MALRD1: variants seen among roughly 807,000 people sequenced by gnomAD.
MALRD1 encodes the protein MAM and LDL-receptor class A domain-containing protein 1.
Under a neutral mutation model 242.1 loss-of-function variants are expected in MALRD1, and 247 were observed. The observed-to-expected ratio is 1.02, with a 90% CI of 0.92 to 1.13. MALRD1 has a LOEUF of 1.13. Among genes scored for constraint, MALRD1 ranks in the 50% most tolerant of loss-of-function variants. The probability of loss-of-function intolerance (pLI) is 0.00; values close to 1 mark genes in which losing one functional copy is unlikely to be tolerated. For synonymous variants in MALRD1, 995 were observed against 866.6 expected (o/e 1.15, Z -2.60); for missense variants, 2,989 against 2,533.1 (o/e 1.18, Z -3.86).
At chr10:19,561,644 G>GTTATGA (rs1835966533) in intron 32 of MALRD1, among the ~76,000 whole-genome samples, 1 of 152,016 alleles carries the variant, frequency 6.6e-6, no homozygotes, top group Admixed American at 6.6e-5. Context: ...TTTAAATGGG[G>GTTATGA]TTATGATTAG....
At chr10:19,617,339 G>C (rs1174790994) in intron 36 of MALRD1, among the ~76,000 whole-genome samples, 1 of 151,856 alleles carries the variant, frequency 6.6e-6, no homozygotes, top group Non-Finnish European at 1.5e-5. Flanking sequence ...AATGTAGAAA[G>C]GAATTCACTG....
At chr10:19,455,193 T>C (rs982467241) in intron 29 of MALRD1, among the ~76,000 whole-genome samples, 1 of 152,172 alleles carries the variant, frequency 6.6e-6, no homozygotes, top group Non-Finnish European at 1.5e-5. Flanking sequence ...AGAAATCTTA[T>C]AAAATGTAGC....
intron 29 of MALRD1, among the ~76,000 whole-genome samples, chr10:19,470,390 C>T (rs1836435744): frequency 6.6e-6 from 1 of 151,958 alleles, no homozygotes; most frequent in Admixed American, 6.6e-5. Flanking sequence ...TATAATGCTG[C>T]AATTACGATA....
intron 29 of MALRD1, among the ~76,000 whole-genome samples, chr10:19,458,973 A>T (rs1835803228): frequency 6.6e-6 from 1 of 152,044 alleles, no homozygotes; most frequent in Non-Finnish European, 1.5e-5. Flanking sequence ...CATCAAGCCC[A>T]TCCTAACACA....
intron 32 of MALRD1, among the ~76,000 whole-genome samples, chr10:19,560,237 G>T (rs1835902947): frequency 6.6e-6 from 1 of 152,182 alleles, no homozygotes; most frequent in African/African-American, 2.4e-5. Flanking sequence ...GGGAGGCTGA[G>T]GTGGGTGGAT....
chr10:19,149,664 A>G (rs1003892806), intron 11 of MALRD1, among the ~76,000 whole-genome samples: 6 of 152,122 alleles, frequency 3.9e-5, no homozygotes, highest in African/African-American at 9.7e-5. Context: ...ATCAAATACT[A>G]TCTATTTTTT....
At chr10:19,477,841 T>C (rs143437093) in intron 29 of MALRD1, among the ~76,000 whole-genome samples, 2 of 152,318 alleles carry the variant, frequency 1.3e-5, no homozygotes, top group Non-Finnish European at 2.9e-5. Flanking sequence ...TCTTTTATTA[T>C]GCAGATGGAG....
intron 24 of MALRD1, among the ~76,000 whole-genome samples, chr10:19,332,558 A>G (rs1157913289): frequency 6.6e-6 from 1 of 152,184 alleles, no homozygotes; most frequent in Non-Finnish European, 1.5e-5. Flanking sequence ...TGTCAAAATG[A>G]AGGTTGACAA....
intron 2 of MALRD1, among the ~76,000 whole-genome samples, chr10:19,085,283 T>C (rs1488967651): frequency 6.6e-6 from 1 of 151,948 alleles, no homozygotes; most frequent in South Asian, 2.1e-4. Flanking sequence ...AAATGTTCTC[T>C]GGAAAGCCAG....
At chr10:19,498,376 A>T (rs1355026964) in intron 30 of MALRD1, 109 bp from the exon 31 acceptor site, 3 of 945,068 alleles carry the variant, frequency 3.2e-6, no homozygotes, top group Non-Finnish European at 4.6e-6. Flanking sequence ...AAGTGTATTT[A>T]TAAAGAATTA....
At chr10:19,229,513 C>T (rs1017213133) in intron 18 of MALRD1, among the ~76,000 whole-genome samples, 19 of 152,120 alleles carry the variant, frequency 1.2e-4, no homozygotes, top group Admixed American at 4.6e-4. Context: ...CTATTAGAAC[C>T]ATGGCCTTAA....
intron 26 of MALRD1, among the ~76,000 whole-genome samples, chr10:19,383,951 T>C (rs1366273697): frequency 2.0e-5 from 3 of 151,916 alleles, no homozygotes; most frequent in Non-Finnish European, 4.4e-5. Context: ...TGTATAGCAT[T>C]TAAGTTTGTA....
At chr10:19,385,045 G>A (rs1229856591) in intron 26 of MALRD1, among the ~76,000 whole-genome samples, 12 of 151,792 alleles carry the variant, frequency 7.9e-5, no homozygotes, top group Admixed American at 5.9e-4. Context: ...TCTTCATTCT[G>A]TTAATGTGGG....
At chr10:19,174,347 C>G (rs1835132559) in intron 13 of MALRD1, among the ~76,000 whole-genome samples, 1 of 152,070 alleles carries the variant, frequency 6.6e-6, no homozygotes, top group African/African-American at 2.4e-5. Context: ...TTTGGGATAG[C>G]ATGTTCTGAC....
intron 34 of MALRD1, among the ~76,000 whole-genome samples, chr10:19,601,680 A>G (rs546889941): frequency 6.6e-5 from 10 of 152,022 alleles, no homozygotes; most frequent in Non-Finnish European, 1.2e-4. Context: ...AAAGTTGTGA[A>G]CTTATAACAC....
chr10:19,086,185 G>T (rs1214401966), intron 2 of MALRD1, among the ~76,000 whole-genome samples: 4 of 152,006 alleles, frequency 2.6e-5, no homozygotes, highest in Non-Finnish European at 4.4e-5. Context: ...ATCACTGTTT[G>T]CTGCTTAATT....
chr10:19,655,097 T>G (rs1489985247), intron 36 of MALRD1, among the ~76,000 whole-genome samples: 3 of 152,218 alleles, frequency 2.0e-5, no homozygotes, highest in Non-Finnish European at 4.4e-5. Flanking sequence ...AATAGGAATC[T>G]GTAGACAGAA....
intron 36 of MALRD1, among the ~76,000 whole-genome samples, chr10:19,651,782 C>A (rs1424208289): frequency 6.6e-6 from 1 of 152,140 alleles, no homozygotes; most frequent in Middle Eastern, 3.2e-3. Flanking sequence ...GAGAGTGGGG[C>A]TTGATTCATT....
intron 29 of MALRD1, among the ~76,000 whole-genome samples, chr10:19,455,994 C>T (rs1356357440): frequency 1.3e-5 from 2 of 152,132 alleles, no homozygotes; most frequent in Non-Finnish European, 2.9e-5. Context: ...CACTGGTAAA[C>T]CCAGGACCTC....
Sources: gnomAD v4.1 joint callset for allele counts (sites outside exome capture counted in the v4.1 genomes callset) on GRCh38, gnomAD v4.1.1 for gene constraint, MANE v1.5 for transcripts, NCBI Gene and HGNC (gene_info 2026-07-23, HGNC 2026-07-21) for gene names.